The following MRC2 variants were observed in gnomAD, a reference collection of about 807,000 sequenced individuals.
The protein encoded by MRC2 is mannose receptor C-type 2.
In MRC2, 84 loss-of-function variants were observed where a neutral mutation model predicts 206.2. That is an observed-to-expected ratio of 0.41 (90% confidence interval 0.34 to 0.49). MRC2 has a LOEUF of 0.49. Among genes scored for constraint, MRC2 ranks in the 20% least tolerant of loss-of-function variants. The pLI is 0.31. For missense variants in MRC2, 1,676 were observed against 2,001.5 expected (o/e 0.84, Z 3.10); for synonymous variants, 798 against 800.0 (o/e 1.00, Z 0.04).
chr17:62,648,506 TATTTCTGC>T (rs1291546545), intron 1 of MRC2, among the ~76,000 whole-genome samples: 4 of 152,214 alleles, frequency 2.6e-5, no homozygotes, highest in Non-Finnish European at 4.4e-5. Context: ...CCTTGGAGTT[TATTTCTGC>T]AGAACCGGAA....
rs1297476042 is a variant in MRC2, at chr17:62,640,516, C to CT, written c.118+12602dup. ...TACACTGATTTCATTTGCAGGTCCA[C>CT]TTTTTTGTTTTGTTTTGTTTTGAGA... On this transcript the variant is annotated intron_variant, in intron 1 of 29. Transcript: ENST00000303375. Among the ~76,000 whole-genome samples, 4 of 151,916 alleles carry CT rather than the reference C, an allele frequency of 2.6e-5. No homozygotes were observed. The East Asian group carries it at 7.7e-4, about 29-fold the overall frequency.
At chr17:62,629,633 C>T (rs1307867669) in intron 1 of MRC2, among the ~76,000 whole-genome samples, 3 of 152,230 alleles carry the variant, frequency 2.0e-5, no homozygotes, top group African/African-American at 7.2e-5. Context: ...ACCGTGCCCT[C>T]TGCACAGAGT....
At chr17:62,631,324 T>C (rs1197291091) in intron 1 of MRC2, among the ~76,000 whole-genome samples, 2 of 152,038 alleles carry the variant, frequency 1.3e-5, no homozygotes, top group African/African-American at 4.8e-5. Context: ...GCACCTCCCA[T>C]CTCTGAGCAG....
chr17:62,640,965 C>T (rs1193136650), intron 1 of MRC2, among the ~76,000 whole-genome samples: 1 of 151,916 alleles, frequency 6.6e-6, no homozygotes, highest in Non-Finnish European at 1.5e-5. Context: ...GCCTCAGCCT[C>T]CCAAAGTGCT....
At chr17:62,648,599 A>G (rs1223206599) in intron 1 of MRC2, among the ~76,000 whole-genome samples, 1 of 151,650 alleles carries the variant, frequency 6.6e-6, no homozygotes, top group African/African-American at 2.4e-5. Flanking sequence ...TCCCTGACAC[A>G]CCCTCCTCTT....
At position 62,692,800 on chromosome 17, in the gene MRC2, G is replaced by A. The variant is rs1599001926; in HGVS notation, c.*349G>A. 7.3e-6 allele frequency: 2 copies of A among 273,334 alleles called. No individual in the cohort carries two copies. The highest frequency in any genetic ancestry group is 1.7e-4 in the East Asian group (2 of 12,006). The allele number at this position is 273,334 out of a possible 1,614,324, so 16.9% of individuals were successfully genotyped here. ...CCCAGGCCTGTTGATCCGCGCCCCA[G>A]GACCCCCTTCTTTGCAGAGCCCGAG... On this transcript the variant is annotated 3_prime_UTR_variant, in exon 30 of 30. Coordinates refer to ENST00000303375, the MANE Select transcript of MRC2 (RefSeq NM_006039.5). The surrounding 1 kb of genome is among the most constrained non-coding windows in gnomAD (Gnocchi z 4.2).
chr17:62,655,781 C>T (rs1024148848), intron 1 of MRC2, among the ~76,000 whole-genome samples: 1 of 151,232 alleles, frequency 6.6e-6, no homozygotes, highest in Non-Finnish European at 1.5e-5. Flanking sequence ...ATTTCTATCA[C>T]ACTTCATTTA....
Position 62,675,542 on chromosome 17 carries a change from G to A in MRC2, c.1570-248G>A, listed in dbSNP as rs981345996. Among the ~76,000 whole-genome samples the A allele has an allele frequency of 1.3e-5, 2 of 152,178 alleles. No homozygotes were observed. Among genetic ancestry groups the A allele is most frequent in the African/African-American group, 2.4e-5 (1 of 41,416 alleles). The stretch of plus-strand genomic sequence containing the variant: ...TCCCGAGCCGGGTCACTGGCCGGTC[G>A]CTGGTGGCCTGCCAATCAGCCACGC... On this transcript the variant is annotated intron_variant, in intron 9 of 29. Coordinates refer to ENST00000303375, the MANE Select transcript of MRC2 (RefSeq NM_006039.5). This position sits in a 1 kb window ranked among gnomAD's most constrained non-coding sequence, Gnocchi z 4.1.
intron 6 of MRC2, among the ~76,000 whole-genome samples, chr17:62,670,853 C>T (rs2088818654): frequency 3.3e-5 from 5 of 152,130 alleles, no homozygotes; most frequent in Middle Eastern, 3.2e-3. Context: ...ATTAGTGGCT[C>T]AAGGTCCCGT....
rs1476640109 is a variant in MRC2 at position 62,677,595 on chromosome 17, T to A, written c.2052+109T>A. The A allele has an allele frequency of 7.3e-6, 7 of 961,118 alleles. No individual in the cohort carries two copies. The East Asian group carries it at 1.6e-4, about 22-fold the overall frequency. 59.5% of individuals were successfully genotyped at this position (961,118 alleles called of 1,614,324 possible). Reference sequence around the variant, plus strand: ...GCCACAATCCAGAGACACACCAGGCTGCAGACGGGTGATTTCTGGTGAGAC... The same window carrying A: ...GCCACAATCCAGAGACACACCAGGCAGCAGACGGGTGATTTCTGGTGAGAC... On this transcript the variant is annotated intron_variant, in intron 12 of 29. Transcript: ENST00000303375.
intron 1 of MRC2, among the ~76,000 whole-genome samples, chr17:62,657,124 C>G (rs1233684187): frequency 6.6e-6 from 1 of 152,088 alleles, no homozygotes; most frequent in Non-Finnish European, 1.5e-5. Context: ...GCCAGAGGTA[C>G]ACAATACAAG....
chr17:62,642,873 A>C (rs1398188632), intron 1 of MRC2, among the ~76,000 whole-genome samples: 1 of 152,182 alleles, frequency 6.6e-6, no homozygotes, highest in Non-Finnish European at 1.5e-5. Flanking sequence ...AAAACCACCC[A>C]AATGCCCATC....
chr17:62,686,232 T>G (rs2089030343), intron 20 of MRC2, among the ~76,000 whole-genome samples: 1 of 152,094 alleles, frequency 6.6e-6, no homozygotes, highest in Admixed American at 6.5e-5. Context: ...GTGGGCAGAT[T>G]ACCTGAGGTC....
intron 1 of MRC2, among the ~76,000 whole-genome samples, chr17:62,634,544 C>T (rs762895325): frequency 3.5e-4 from 54 of 152,202 alleles, no homozygotes; most frequent in Non-Finnish European, 2.9e-4. Context: ...CATGATCTGC[C>T]TGCCTCAGCC....
intron 1 of MRC2, among the ~76,000 whole-genome samples, 175 bp downstream of exon 1, chr17:62,628,095 G>C (rs772236888): frequency 4.7e-4 from 72 of 152,186 alleles, no homozygotes; most frequent in Non-Finnish European, 8.5e-4. Context: ...CGGGGGAGGA[G>C]AGGGGAGGAG....
At chr17:62,670,690 C>T (rs1598986655) in intron 6 of MRC2, among the ~76,000 whole-genome samples, 1 of 152,318 alleles carries the variant, frequency 6.6e-6, no homozygotes, top group Non-Finnish European at 1.5e-5. Context: ...GGGTGGATTT[C>T]TCAGCCCTGG....
chr17:62,652,838 C>T lies in MRC2; in HGVS notation c.119-11710C>T, dbSNP rs1301648303. 1.2e-5 allele frequency among the ~76,000 whole-genome samples: 1 copy of T among 86,562 alleles called. No individual in the cohort carries two copies. The highest frequency in any genetic ancestry group is 2.3e-5 in the Non-Finnish European group (1 of 42,908). 56.8% of individuals were successfully genotyped at this position (86,562 alleles called of 152,430 possible). A position where few individuals can be genotyped will look rare whatever the true frequency, so the allele number is the denominator to read the frequency against. ...GGGCACACGGTGGCGGGGGGAGGGGCGTGCCGCAGATTGAGGGCGAACGGT... is the reference window on the plus strand; with the variant it reads ...GGGCACACGGTGGCGGGGGGAGGGGTGTGCCGCAGATTGAGGGCGAACGGT... On this transcript the variant is annotated intron_variant, in intron 1 of 29. Transcript: ENST00000303375. This position sits in a 1 kb window ranked among gnomAD's most constrained non-coding sequence, Gnocchi z 4.6.
Position 62,666,297 on chromosome 17 carries a change from G to A in MRC2, c.694+30G>A. 1 of 1,557,608 alleles carries A rather than the reference G, an allele frequency of 6.4e-7. No homozygotes were observed. The highest frequency in any genetic ancestry group is 1.2e-5 in the South Asian group (1 of 81,158). Reference sequence around the variant, plus strand: ...GAGCTGTTGGAGCCGTGGGGGCGGGGGCAGTGTTCCTGGAGGGAGGCTGGT... The same window carrying A: ...GAGCTGTTGGAGCCGTGGGGGCGGGAGCAGTGTTCCTGGAGGGAGGCTGGT... On this transcript the variant is annotated intron_variant, in intron 3 of 29. Transcript: ENST00000303375. This position sits in a 1 kb window ranked among gnomAD's most constrained non-coding sequence, Gnocchi z 5.0.
In MRC2 at chr17:62,677,408, G is replaced by A. The variant is rs2088907286; in HGVS notation, c.1974G>A (p.Gly658=). ...LGTPVTPELP[G]PDPTPSLTGS... is the part of the protein sequence containing the mutation. ...CTCCAGTGACGCCGGAGCTGCCGGG[G>A]CCAGATCCCACGCCCAGCCTCACTG... Residue 658 remains glycine, a synonymous_variant, in exon 12 of 30, where the codon GGG becomes GGA. Transcript: ENST00000303375. The A allele has an allele frequency of 6.2e-7, 1 of 1,611,780 alleles. No individual in the cohort carries two copies. The highest frequency in any genetic ancestry group is 2.2e-5 in the East Asian group (1 of 44,840).
Sources: gnomAD v4.1 joint callset for allele counts (sites outside exome capture counted in the v4.1 genomes callset) on GRCh38, gnomAD v4.1.1 for gene constraint, Gnocchi (gnomAD v3.1) non-coding constraint, MANE v1.5 for transcripts, NCBI Gene and HGNC (gene_info 2026-07-23, HGNC 2026-07-21) for gene names.